IL1RAPL1: variants seen among roughly 807,000 people sequenced by gnomAD.
The protein encoded by IL1RAPL1 is interleukin-1 receptor accessory protein-like 1.
Under a neutral mutation model 48.4 loss-of-function variants are expected in IL1RAPL1, and 3 were observed. That is an observed-to-expected ratio of 0.06 (90% CI 0.03 to 0.16). The LOEUF (loss-of-function observed/expected upper bound fraction) is 0.16, where lower values mean the gene tolerates loss of function less well. IL1RAPL1 is among the 10% of genes least tolerant of loss of function. IL1RAPL1 has a pLI of 1.00. For synonymous variants in IL1RAPL1, 185 were observed against 187.7 expected (o/e 0.99, Z 0.12); for missense variants, 349 against 530.6 (o/e 0.66, Z 3.36).
At chrX:29,280,209 A>G (rs1469928609) in intron 2 of IL1RAPL1, among the ~76,000 whole-genome samples, 5 of 112,130 alleles carry the variant, frequency 4.5e-5, no homozygotes, top group African/African-American at 1.3e-4. Flanking sequence ...ATATGCAATT[A>G]TATAACTTGG....
intron 1 of IL1RAPL1, among the ~76,000 whole-genome samples, chrX:28,723,068 T>A (rs1935609968): frequency 9.0e-6 from 1 of 111,258 alleles, no homozygotes; most frequent in Non-Finnish European, 1.9e-5. Context: ...TTTTGTTGTG[T>A]CTCTACCCGG....
chrX:28,693,105 A>G (rs1173457926), intron 1 of IL1RAPL1, among the ~76,000 whole-genome samples: 4 of 112,144 alleles, frequency 3.6e-5, no homozygotes, highest in Admixed American at 9.5e-5. Context: ...AATTCTTTAG[A>G]AAGACAATTC....
chrX:29,852,624 T>G (rs1237290614), intron 6 of IL1RAPL1, among the ~76,000 whole-genome samples: 1 of 112,116 alleles, frequency 8.9e-6, no homozygotes, highest in African/African-American at 3.2e-5. Flanking sequence ...AGTAAAGAGA[T>G]TTGGGAAGTA....
intron 2 of IL1RAPL1, among the ~76,000 whole-genome samples, chrX:28,962,376 A>T (rs1448418494): frequency 8.9e-6 from 1 of 111,930 alleles, no homozygotes; most frequent in Non-Finnish European, 1.9e-5. Context: ...TTTTTCTGGC[A>T]GTACCACTGT....
At chrX:29,336,798 A>G (rs1462086922) in intron 3 of IL1RAPL1, among the ~76,000 whole-genome samples, 2 of 111,817 alleles carry the variant, frequency 1.8e-5, no homozygotes, top group Non-Finnish European at 3.8e-5. Context: ...TTTGTGCAGC[A>G]TTCTTTCCTC....
At chrX:28,815,424 A>G (rs892857550) in intron 2 of IL1RAPL1, among the ~76,000 whole-genome samples, 12 of 110,668 alleles carry the variant, frequency 1.1e-4, no homozygotes, top group Non-Finnish European at 3.8e-5. Context: ...TGGGATATCC[A>G]TCACCTTAAA....
intron 2 of IL1RAPL1, among the ~76,000 whole-genome samples, chrX:28,973,164 GTTAT>G (rs1241636634): frequency 9.0e-6 from 1 of 111,729 alleles, no homozygotes; most frequent in Non-Finnish European, 1.9e-5. Context: ...CATTTTTGTA[GTTAT>G]TTATTTGTGT....
intron 6 of IL1RAPL1, among the ~76,000 whole-genome samples, chrX:29,887,315 G>C (rs553851710): frequency 8.9e-6 from 1 of 112,315 alleles, no homozygotes; most frequent in Non-Finnish European, 1.9e-5. Context: ...AACATTTAAC[G>C]TTAAGAAGCA....
At chrX:28,905,757 G>C (rs1191744799) in intron 2 of IL1RAPL1, among the ~76,000 whole-genome samples, 2 of 111,366 alleles carry the variant, frequency 1.8e-5, no homozygotes, top group Non-Finnish European at 3.8e-5. Context: ...GGTTCAGTGG[G>C]GGAGAGGGTG....
At position 29,561,644 on chromosome X, in the gene IL1RAPL1, T is replaced by C. The variant is rs187750668; in HGVS notation, c.704-106786T>C. Among the ~76,000 whole-genome samples, 13 of 111,959 alleles carry C rather than the reference T, an allele frequency of 1.2e-4. No individual in the cohort carries two copies. In the East Asian group the frequency reaches 3.7e-3, roughly 32 times the overall value. On this transcript the variant is annotated intron_variant, in intron 5 of 10. Coordinates refer to ENST00000378993, the MANE Select transcript of IL1RAPL1 (RefSeq NM_014271.4). ...GAATGTCTCTCTTGGCACTGAGCTG[T>C]GTGCTGCCTTGGGAAAGGGGTGATG...
chrX:29,804,699 G>T (rs987084224), intron 6 of IL1RAPL1, among the ~76,000 whole-genome samples: 2 of 112,004 alleles, frequency 1.8e-5, no homozygotes, highest in African/African-American at 6.5e-5. Flanking sequence ...TCTTGTGTAT[G>T]TCTTTATTAG....
At chrX:28,921,021 G>A (rs1255865736) in intron 2 of IL1RAPL1, among the ~76,000 whole-genome samples, 2 of 111,118 alleles carry the variant, frequency 1.8e-5, no homozygotes, top group African/African-American at 6.5e-5. Context: ...TGCAGGAGGA[G>A]GGAGAGCAAA....
At chrX:28,836,707 C>T (rs777282642) in intron 2 of IL1RAPL1, among the ~76,000 whole-genome samples, 4 of 109,991 alleles carry the variant, frequency 3.6e-5, no homozygotes, top group South Asian at 3.9e-4. Flanking sequence ...TTTCCTAATG[C>T]GGGATTTAAA....
chrX:29,484,867 C>T, intron 5 of IL1RAPL1, among the ~76,000 whole-genome samples: 1 of 111,617 alleles, frequency 9.0e-6, no homozygotes, highest in Non-Finnish European at 1.9e-5. Context: ...AGAGAGTAAA[C>T]AATGGGGGAA....
At chrX:29,208,735 TAAATA>T (rs1188064486) in intron 2 of IL1RAPL1, among the ~76,000 whole-genome samples, 85 of 81,712 alleles carry the variant, frequency 1.0e-3, no homozygotes, top group African/African-American at 4.1e-3. Flanking sequence ...ATAATAATAA[TAAATA>T]AATAAATAAA....
intron 2 of IL1RAPL1, among the ~76,000 whole-genome samples, chrX:29,182,050 G>T (rs1223357597): frequency 9.0e-6 from 1 of 110,809 alleles, no homozygotes; most frequent in African/African-American, 3.3e-5. Context: ...TAAGATGGAG[G>T]GCGGTTGCCA....
chrX:29,417,507 CTG>C (rs1934232409), intron 5 of IL1RAPL1, among the ~76,000 whole-genome samples: 1 of 111,505 alleles, frequency 9.0e-6, no homozygotes, highest in Non-Finnish European at 1.9e-5. Flanking sequence ...GTAGCTTACT[CTG>C]TGCCTTAATT....
chrX:29,416,423 C>T (rs1365435177), intron 5 of IL1RAPL1, among the ~76,000 whole-genome samples: 2 of 110,808 alleles, frequency 1.8e-5, no homozygotes, highest in Admixed American at 9.7e-5. Flanking sequence ...GTAGTCCCAG[C>T]TACTCGGGAA....
intron 8 of IL1RAPL1, among the ~76,000 whole-genome samples, chrX:29,936,083 T>C (rs1186521529): frequency 1.8e-5 from 2 of 111,019 alleles, no homozygotes; most frequent in Non-Finnish European, 1.9e-5. Context: ...CAGCTTGATT[T>C]GTTAATGTGT....
Sources: allele counts gnomAD v4.1 joint callset (sites outside exome capture counted in the v4.1 genomes callset), GRCh38; gene constraint gnomAD v4.1.1; transcripts MANE v1.5; gene names NCBI Gene and HGNC (gene_info 2026-07-23, HGNC 2026-07-21).